The following CPQ variants were observed in gnomAD, a reference collection of about 807,000 sequenced individuals.
CPQ encodes the protein carboxypeptidase Q.
A neutral mutation model predicts 45.7 loss-of-function variants in CPQ; 37 were observed. The ratio of observed to expected loss-of-function variants is 0.81; its 90% CI spans 0.62 to 1.07. CPQ has a LOEUF of 1.07. CPQ is among the 50% of genes least tolerant of loss of function. The pLI is 0.00. For synonymous variants in CPQ, 186 were observed against 205.8 expected, an observed-to-expected ratio of 0.90 and a Z score of 0.82; for missense variants, 537 against 572.9, an observed-to-expected ratio of 0.94 and a Z score of 0.64.
chr8:97,015,537 C>T (rs1221886750), intron 5 of CPQ, among the ~76,000 whole-genome samples: 1 of 151,726 alleles, frequency 6.6e-6, no homozygotes, highest in African/African-American at 2.4e-5. Context: ...TGAAAATGAA[C>T]AGAATATAGT....
At chr8:96,709,831 G>T (rs1028132375) in intron 1 of CPQ, among the ~76,000 whole-genome samples, 75 of 152,142 alleles carry the variant, frequency 4.9e-4, no homozygotes, top group African/African-American at 1.6e-3. Context: ...AGGAATATTG[G>T]TCTGTAGTTT....
intron 4 of CPQ, among the ~76,000 whole-genome samples, chr8:96,937,862 C>T (rs765221448): frequency 9.8e-5 from 15 of 152,334 alleles, no homozygotes; most frequent in South Asian, 4.1e-4. Context: ...ATTCCTTAGA[C>T]GCTCCTATCA....
chr8:97,079,091 A>G (rs1810904747), intron 7 of CPQ, among the ~76,000 whole-genome samples: 1 of 152,176 alleles, frequency 6.6e-6, no homozygotes, highest in African/African-American at 2.4e-5. Flanking sequence ...GGCAGGAGCC[A>G]CTGCACCTGG....
intron 1 of CPQ, among the ~76,000 whole-genome samples, chr8:96,748,066 A>G (rs1810213010): frequency 6.6e-6 from 1 of 152,204 alleles, no homozygotes; most frequent in African/African-American, 2.4e-5. Flanking sequence ...ATGTGATGAC[A>G]ATATACTATT....
chr8:97,080,410 A>AT (rs1453517924), intron 7 of CPQ, among the ~76,000 whole-genome samples: 1 of 152,218 alleles, frequency 6.6e-6, no homozygotes, highest in Non-Finnish European at 1.5e-5. Context: ...ATGCTTATCA[A>AT]TTTAATCAAT....
intron 6 of CPQ, chr8:97,055,534 A>T (rs1176075036): frequency 4.6e-5 from 7 of 152,262 alleles, no homozygotes; most frequent in African/African-American, 1.7e-4. Flanking sequence ...AATAGGCTGA[A>T]GGAAGGCAAG....
intron 7 of CPQ, among the ~76,000 whole-genome samples, chr8:97,096,908 G>T (rs1454979015): frequency 6.6e-6 from 1 of 152,198 alleles, no homozygotes; most frequent in Admixed American, 6.5e-5. Context: ...CCATATTAGT[G>T]GGTGCCTTCT....
chr8:96,952,008 G>A (rs373730330), intron 4 of CPQ, among the ~76,000 whole-genome samples: 1 of 152,000 alleles, frequency 6.6e-6, no homozygotes, highest in East Asian at 1.9e-4. Flanking sequence ...GGGTAGGTTC[G>A]TATTATCATT....
At chr8:97,070,146 G>A (rs150795623) in intron 7 of CPQ, among the ~76,000 whole-genome samples, 33 of 152,242 alleles carry the variant, frequency 2.2e-4, no homozygotes, top group African/African-American at 7.5e-4. Context: ...CTTCTCCCAT[G>A]TCCACCTCCT....
chr8:97,123,699 G>T (rs1811796232), intron 7 of CPQ, among the ~76,000 whole-genome samples: 1 of 151,900 alleles, frequency 6.6e-6, no homozygotes, highest in Non-Finnish European at 1.5e-5. Context: ...GACTAACCAT[G>T]CCCCATTAAA....
intron 5 of CPQ, among the ~76,000 whole-genome samples, chr8:97,020,467 T>A (rs1226275041): frequency 1.3e-5 from 2 of 151,932 alleles, no homozygotes; most frequent in Non-Finnish European, 2.9e-5. Flanking sequence ...ATAAAATTGA[T>A]AGACCATTAG....
At chr8:96,733,269 ATT>A (rs1809938424) in intron 1 of CPQ, among the ~76,000 whole-genome samples, 1 of 152,224 alleles carries the variant, frequency 6.6e-6, no homozygotes, top group Admixed American at 6.5e-5. Flanking sequence ...TTGCCAGGAC[ATT>A]TAAAAGCCTC....
chr8:96,759,199 C>A (rs1810366337), intron 1 of CPQ, among the ~76,000 whole-genome samples: 1 of 152,148 alleles, frequency 6.6e-6, no homozygotes, highest in Admixed American at 6.6e-5. Flanking sequence ...TGTTCTCCTG[C>A]TCACCTTGCT....
At chr8:96,830,814 T>C (rs1379598484) in intron 2 of CPQ, among the ~76,000 whole-genome samples, 1 of 152,164 alleles carries the variant, frequency 6.6e-6, no homozygotes, top group Non-Finnish European at 1.5e-5. Flanking sequence ...GGCTGACTTT[T>C]ATATACCTAT....
chr8:96,803,185 A>G (rs1328116466), intron 2 of CPQ, among the ~76,000 whole-genome samples: 1 of 152,222 alleles, frequency 6.6e-6, no homozygotes, highest in African/African-American at 2.4e-5. Flanking sequence ...AGGGCAGGAC[A>G]AGATTGATGT....
chr8:96,809,194 C>T (rs889535017), intron 2 of CPQ, among the ~76,000 whole-genome samples: 17 of 151,742 alleles, frequency 1.1e-4, no homozygotes, highest in Non-Finnish European at 2.1e-4. Flanking sequence ...ATATAATATA[C>T]ATATATTACA....
At chr8:97,134,224 T>C (rs1335557628) in intron 7 of CPQ, among the ~76,000 whole-genome samples, 2 of 152,182 alleles carry the variant, frequency 1.3e-5, no homozygotes, top group African/African-American at 4.8e-5. Context: ...GTGCCAGGCA[T>C]TGAGGATTGG....
At chr8:96,891,326 T>A (rs925464378) in intron 4 of CPQ, among the ~76,000 whole-genome samples, 5 of 152,164 alleles carry the variant, frequency 3.3e-5, no homozygotes, top group Admixed American at 6.5e-5. Flanking sequence ...TCCAATATAA[T>A]CGACCTGCCA....
At chr8:96,850,052 AT>A (rs761397458) in intron 3 of CPQ, among the ~76,000 whole-genome samples, 9 of 152,200 alleles carry the variant, frequency 5.9e-5, no homozygotes, top group Non-Finnish European at 1.2e-4. Context: ...AAGTAAGTTA[AT>A]TAGGCATGCA....
Sources: allele counts gnomAD v4.1 joint callset (sites outside exome capture counted in the v4.1 genomes callset), GRCh38; gene constraint gnomAD v4.1.1; transcripts MANE v1.5; gene names NCBI Gene and HGNC (gene_info 2026-07-23, HGNC 2026-07-21).